The following SOHLH2 variants were observed in gnomAD, a reference collection of about 807,000 sequenced individuals.
SOHLH2 encodes spermatogenesis and oogenesis specific basic helix-loop-helix 2, also known as spermatogenesis- and oogenesis-specific basic helix-loop-helix-containing protein 2.
SOHLH2 carries 22 observed loss-of-function variants against 50.4 expected under a neutral mutation model. That is an observed-to-expected ratio of 0.44 (90% confidence interval 0.31 to 0.62). The LOEUF (loss-of-function observed/expected upper bound fraction) is 0.62, where lower values mean the gene tolerates loss of function less well. Ranked by LOEUF, SOHLH2 falls within the 20% of genes least tolerant of loss-of-function variation. The pLI, the probability that SOHLH2 is intolerant of heterozygous loss-of-function variation, is 0.08. For synonymous variants in SOHLH2, 185 were observed against 187.3 expected (o/e 0.99, Z 0.10); for missense variants, 412 against 504.4 (o/e 0.82, Z 1.76).
intron 2 of SOHLH2, among the ~76,000 whole-genome samples, chr13:36,201,048 C>CAAAAA (rs10660002): frequency 7.3e-3 from 401 of 54,652 alleles, no homozygotes; most frequent in Middle Eastern, 0.016. Flanking sequence ...GACTCTGCCT[C>CAAAAA]AAAAAAAAAA....
chr13:36,178,783 A>G (rs1887162171), intron 6 of SOHLH2, among the ~76,000 whole-genome samples: 1 of 151,008 alleles, frequency 6.6e-6, no homozygotes, highest in African/African-American at 2.4e-5. Context: ...TTAACTTTTC[A>G]TAGTAACATT....
At chr13:36,209,800 T>C (rs1256555635) in intron 1 of SOHLH2, among the ~76,000 whole-genome samples, 2 of 152,284 alleles carry the variant, frequency 1.3e-5, no homozygotes, top group East Asian at 3.9e-4. Flanking sequence ...AACATAAATA[T>C]GAATCAAGAA....
At chr13:36,181,387 T>C (rs898759477) in intron 6 of SOHLH2, among the ~76,000 whole-genome samples, 1 of 152,156 alleles carries the variant, frequency 6.6e-6, no homozygotes, top group Non-Finnish European at 1.5e-5. Flanking sequence ...TAGTCTCTTT[T>C]GCTTTTTTAT....
Position 36,193,806 on chromosome 13 carries a change from C to G in SOHLH2, c.325G>C (p.Gly109Arg). Residue 109 changes from glycine to arginine, a missense_variant and splice_region_variant, in exon 3 of 11, where the codon GGT (glycine) becomes CGT (arginine). Coordinates refer to ENST00000379881, the MANE Select transcript of SOHLH2 (RefSeq NM_017826.3). ...AATACTATATTTAGCAGGTACATACCTTTAAAATTTTCAGGGATTATAAAA... is the reference window on the plus strand; with the variant it reads ...AATACTATATTTAGCAGGTACATACGTTTAAAATTTTCAGGGATTATAAAA... Reference protein sequence around the residue: ...FVFIIPENFKGCISGHGMDIA... With the variant: ...FVFIIPENFKRCISGHGMDIA... The G allele has an allele frequency of 6.2e-7, 1 of 1,603,624 alleles. No homozygotes were observed. Among genetic ancestry groups the G allele is most frequent in the Non-Finnish European group, 8.5e-7 (1 of 1,177,486 alleles).
At position 36,185,691 on chromosome 13, in the gene SOHLH2, T is replaced by C. The variant is rs190502020; in HGVS notation, c.641+4255A>G. Among the ~76,000 whole-genome samples the C allele has an allele frequency of 4.6e-5, 7 of 152,214 alleles. No individual in the cohort carries two copies. The East Asian group carries it at 1.4e-3, about 29-fold the overall frequency. On this transcript the variant is annotated intron_variant, in intron 6 of 10. Transcript: ENST00000379881. Reference sequence around the variant, plus strand: ...ATACCGGGAATGAAAAAAGCCATCATCACAGACCTGTAGATGTTAAAACGA... The same window carrying C: ...ATACCGGGAATGAAAAAAGCCATCACCACAGACCTGTAGATGTTAAAACGA...
At chr13:36,203,626 C>T (rs1159026354) in intron 1 of SOHLH2, among the ~76,000 whole-genome samples, 2 of 152,086 alleles carry the variant, frequency 1.3e-5, no homozygotes, top group Non-Finnish European at 2.9e-5. Flanking sequence ...AAATTTATAT[C>T]CCCGTAAGCA....
At chr13:36,185,533 A>G (rs546526335) in intron 6 of SOHLH2, among the ~76,000 whole-genome samples, 18 of 152,234 alleles carry the variant, frequency 1.2e-4, no homozygotes, top group African/African-American at 3.4e-4. Flanking sequence ...GCAGAAATCA[A>G]TGAAATAAAA....
chr13:36,178,058 G>A (rs1416449574), intron 6 of SOHLH2, among the ~76,000 whole-genome samples: 5 of 151,406 alleles, frequency 3.3e-5, no homozygotes. Context: ...ATAGACGTGA[G>A]TCTATTTAAA....
intron 6 of SOHLH2, chr13:36,182,650 G>C (rs1183565710): frequency 6.6e-6 from 1 of 152,216 alleles, no homozygotes; most frequent in East Asian, 1.9e-4. Flanking sequence ...TCTCCAGACA[G>C]GCCAGTTTTG....
rs772826410 is a variant in SOHLH2, at chr13:36,180,752, ACT to A, written c.642-5885_642-5884del. ...CAGGGAACACATCTTTATTAATTCA[ACT>A]CTTTTGAATGTTTTGAAGCTTCTTA... On this transcript the variant is annotated intron_variant, in intron 6 of 10. Transcript: ENST00000379881. Among the ~76,000 whole-genome samples, 83 of 151,568 alleles carry A rather than the reference ACT, an allele frequency of 5.5e-4. 1 individual carries two copies. The highest frequency in any genetic ancestry group is 1.1e-3 in the Non-Finnish European group (78 of 67,910).
chr13:36,206,239 C>G (rs562067063), intron 1 of SOHLH2, among the ~76,000 whole-genome samples: 51 of 151,980 alleles, frequency 3.4e-4, no homozygotes, highest in African/African-American at 1.2e-3. Flanking sequence ...GATTATCAGA[C>G]GGTATAATTA....
At chr13:36,203,090 A>G (rs1868522578) in intron 1 of SOHLH2, among the ~76,000 whole-genome samples, 1 of 152,210 alleles carries the variant, frequency 6.6e-6, no homozygotes, top group Non-Finnish European at 1.5e-5. Context: ...TTTATAAAAT[A>G]GTCAACCTTC....
In SOHLH2 at chr13:36,170,783, T is replaced by C. The variant is rs76803829; in HGVS notation, c.1005A>G (p.Pro335=). 3,090 of 1,611,762 alleles carry C rather than the reference T, an allele frequency of 1.9e-3. 20 individuals carry two copies. In the African/African-American group the frequency reaches 0.024, roughly 13 times the overall value. The change falls in exon 10 of 11, where the codon CCA becomes CCG. Residue 335 remains proline (P), a synonymous_variant. Transcript: ENST00000379881. The part of the protein sequence containing the change: ...ESSLDEAVRV[P]SSSASENAIG... ...TAGCATTCTCTGAGGCGGAGCTTGATGGAACTTTAATGAGAAAGAAAACAA... is the reference window on the plus strand; with the variant it reads ...TAGCATTCTCTGAGGCGGAGCTTGACGGAACTTTAATGAGAAAGAAAACAA...
intron 1 of SOHLH2, among the ~76,000 whole-genome samples, chr13:36,214,195 C>A (rs1167780663): frequency 6.6e-6 from 1 of 152,174 alleles, no homozygotes; most frequent in Non-Finnish European, 1.5e-5. Context: ...TCTTCCTTGG[C>A]CTCCTCTCCC....
At chr13:36,172,995 T>C (rs927540089) in intron 9 of SOHLH2, among the ~76,000 whole-genome samples, 1 of 148,440 alleles carries the variant, frequency 6.7e-6, no homozygotes, top group African/African-American at 2.4e-5. Context: ...TTTTTTTCCA[T>C]CTTGTTATTT....
At chr13:36,214,389 G>A (rs575182309) in intron 1 of SOHLH2, 90 bp downstream of exon 1, 1 of 1,475,544 alleles carries the variant, frequency 6.8e-7, no homozygotes, top group South Asian at 1.2e-5. Context: ...GAGCTCCCCA[G>A]GCCGGGCTTT....
Position 36,170,530 on chromosome 13 carries a change from C to G in SOHLH2, c.1257+1G>C. 1 of 1,613,072 alleles carries G rather than the reference C, an allele frequency of 6.2e-7. No homozygotes were observed. The highest frequency in any genetic ancestry group is 2.2e-5 in the East Asian group (1 of 44,840). ...TGATCCATGGACCCCTGGAAACTTACCAGACAGTTGGGATGTGTAGTGCAC... is the reference window on the plus strand; with the variant it reads ...TGATCCATGGACCCCTGGAAACTTAGCAGACAGTTGGGATGTGTAGTGCAC... On this transcript the variant is annotated splice_donor_variant, in intron 10 of 10. Transcript: ENST00000379881. LOFTEE classifies it high-confidence loss of function.
intron 1 of SOHLH2, among the ~76,000 whole-genome samples, chr13:36,210,670 A>G (rs372270010): frequency 8.3e-4 from 127 of 152,128 alleles, no homozygotes; most frequent in Middle Eastern, 3.4e-3. Flanking sequence ...TCATGAGCCA[A>G]TCTCCTTCAC....
intron 1 of SOHLH2, among the ~76,000 whole-genome samples, chr13:36,210,855 G>A (rs1455653699): frequency 6.6e-6 from 1 of 151,944 alleles, no homozygotes; most frequent in African/African-American, 2.4e-5. Flanking sequence ...TTCTACAGTA[G>A]AGAGCGTTGG....
Sources: allele counts gnomAD v4.1 joint callset (sites outside exome capture counted in the v4.1 genomes callset), GRCh38; gene constraint gnomAD v4.1.1; transcripts MANE v1.5; gene names NCBI Gene and HGNC (gene_info 2026-07-23, HGNC 2026-07-21).